EVL: variants seen among roughly 807,000 people sequenced by gnomAD.
EVL encodes the protein Enah/Vasp-like.
In EVL, 21 loss-of-function variants were observed where a neutral mutation model predicts 59.6. That is an observed-to-expected ratio of 0.35 (90% CI 0.25 to 0.51). The LOEUF (loss-of-function observed/expected upper bound fraction) is 0.51. Among genes scored for constraint, EVL ranks in the 20% least tolerant of loss-of-function variants. EVL has a pLI of 0.97. For synonymous variants in EVL, 198 were observed against 203.5 expected, an observed-to-expected ratio of 0.97 and a Z score of 0.23; for missense variants, 462 against 546.6, an observed-to-expected ratio of 0.85 and a Z score of 1.54.
rs570267654 is a variant in EVL at position 99,973,256 on chromosome 14, TGA to T, written c.5+1203_5+1204del. On this transcript the variant is annotated intron_variant, in intron 1 of 13. Coordinates refer to the EVL transcript ENST00000402714. ...GCTGACATTCTTACCAAAAAATGTGTGAGAGTTCTTGTTGCTTCACCTCCTTC... is the reference window on the plus strand; with the variant it reads ...GCTGACATTCTTACCAAAAAATGTGTGAGTTCTTGTTGCTTCACCTCCTTC... 8.7e-4 allele frequency among the ~76,000 whole-genome samples: 133 copies of T among 152,346 alleles called. 6 individuals carry two copies. In the South Asian group the frequency reaches 0.027, roughly 31 times the overall value.
chr14:100,110,378 A>G (rs2140343820), intron 3 of EVL, among the ~76,000 whole-genome samples: 1 of 149,356 alleles, frequency 6.7e-6, no homozygotes, highest in African/African-American at 2.4e-5. Flanking sequence ...TGTCTCAGGA[A>G]AAAAAAAAAA....
At chr14:100,047,505 A>G (rs531570027) in intron 1 of EVL, among the ~76,000 whole-genome samples, 3 of 151,912 alleles carry the variant, frequency 2.0e-5, no homozygotes, top group Admixed American at 2.0e-4. Context: ...CTCTCTTTCC[A>G]TTGCTCCGGG....
intron 3 of EVL, among the ~76,000 whole-genome samples, chr14:100,098,853 G>T (rs568812579): frequency 4.4e-4 from 67 of 152,228 alleles, no homozygotes; most frequent in Non-Finnish European, 8.1e-4. Flanking sequence ...TAAAATCGGG[G>T]GATATAGAGT....
intron 1 of EVL, among the ~76,000 whole-genome samples, chr14:99,975,393 T>C (rs1275974667): frequency 6.6e-6 from 1 of 152,226 alleles, no homozygotes; most frequent in Non-Finnish European, 1.5e-5. Context: ...ATGTCTTCCA[T>C]TGGTTTTGGA....
At chr14:100,038,624 A>G (rs1444570438) in intron 1 of EVL, among the ~76,000 whole-genome samples, 2 of 152,230 alleles carry the variant, frequency 1.3e-5, no homozygotes, top group African/African-American at 2.4e-5. Flanking sequence ...TTGAAAAATT[A>G]TTAACTGCTC....
intron 2 of EVL, chr14:100,085,062 C>A: frequency 1.9e-6 from 1 of 533,676 alleles, no homozygotes; most frequent in South Asian, 2.8e-5. Flanking sequence ...CACTTTTTAC[C>A]TATGTCATAT....
chr14:100,078,299 A>T (rs72711930), intron 1 of EVL, among the ~76,000 whole-genome samples: 2,711 of 152,244 alleles, frequency 0.018, 35 homozygotes, highest in Non-Finnish European at 0.027. Flanking sequence ...GACATAAAAG[A>T]TAAGTAGAAA....
rs560384507 is a variant in EVL at position 100,141,603 on chromosome 14, G to A, written c.1162-133G>A. 2.0e-3 allele frequency: 1,598 copies of A among 784,132 alleles called. 7 individuals carry two copies. Among genetic ancestry groups the A allele is most frequent in the Non-Finnish European group, 2.3e-3 (1,147 of 504,610 alleles). The allele number at this position is 784,132 out of a possible 1,614,324, so 48.6% of individuals were successfully genotyped here. ...CCCCTCAGCGTGGGAAGGGGGCCACGAGGAGACAAGGGTGACAGATGCAAC... is the reference window on the plus strand; with the variant it reads ...CCCCTCAGCGTGGGAAGGGGGCCACAAGGAGACAAGGGTGACAGATGCAAC... On this transcript the variant is annotated intron_variant, in intron 12 of 13. Transcript: ENST00000392920.
At chr14:100,028,185 G>A (rs2061251671) in intron 1 of EVL, among the ~76,000 whole-genome samples, 1 of 141,764 alleles carries the variant, frequency 7.1e-6, no homozygotes, top group Non-Finnish European at 1.5e-5. Context: ...AGTGTCCACA[G>A]TGGCTGTACT....
chr14:100,103,723 C>T (rs1427305400), intron 3 of EVL, among the ~76,000 whole-genome samples: 11 of 152,138 alleles, frequency 7.2e-5, no homozygotes, highest in Admixed American at 6.5e-4. Context: ...TTTGGTCTCC[C>T]ACAAGGCTGT....
intron 2 of EVL, among the ~76,000 whole-genome samples, chr14:100,095,658 A>G (rs538667009): frequency 6.6e-6 from 1 of 152,212 alleles, no homozygotes; most frequent in Non-Finnish European, 1.5e-5. Context: ...ACTTGTGTGT[A>G]GTTGTTGGCC....
At chr14:99,975,915 C>G (rs948211850) in intron 1 of EVL, among the ~76,000 whole-genome samples, 1 of 152,136 alleles carries the variant, frequency 6.6e-6, no homozygotes, top group Non-Finnish European at 1.5e-5. Flanking sequence ...CTGGTTATCT[C>G]CTTCTCACTG....
At chr14:100,012,359 G>T (rs764888573) in intron 1 of EVL, among the ~76,000 whole-genome samples, 8 of 152,144 alleles carry the variant, frequency 5.3e-5, no homozygotes, top group Non-Finnish European at 1.2e-4. Context: ...TGGTCACATG[G>T]CAGGTGCTCA....
chr14:100,039,570 A>G (rs891665400), intron 1 of EVL, among the ~76,000 whole-genome samples: 2 of 152,220 alleles, frequency 1.3e-5, no homozygotes, highest in Non-Finnish European at 1.5e-5. Flanking sequence ...TTTAAGTCAC[A>G]TGAATAATTT....
At chr14:100,080,224 C>T (rs890308475) in intron 1 of EVL, among the ~76,000 whole-genome samples, 6 of 152,232 alleles carry the variant, frequency 3.9e-5, no homozygotes, top group African/African-American at 1.4e-4. Context: ...AGCTGATGAG[C>T]TTTTAAAAAA....
chr14:100,137,936 C>G, intron 11 of EVL, 134 bp downstream of exon 11: 1 of 870,434 alleles, frequency 1.1e-6, no homozygotes, highest in Non-Finnish European at 1.8e-6. Context: ...GTGGTCTGTT[C>G]TTTCAGACCC....
upstream of EVL, among the ~76,000 whole-genome samples, chr14:100,060,815 A>G (rs1004026268): frequency 1.3e-5 from 2 of 152,140 alleles, no homozygotes; most frequent in African/African-American, 4.8e-5. Context: ...TAAACCCATC[A>G]AAGTCACACT....
At chr14:100,053,029 C>T (rs1257725258) in intron 1 of EVL, 4 of 152,160 alleles carry the variant, frequency 2.6e-5, no homozygotes, top group African/African-American at 9.7e-5. Flanking sequence ...ATGCACATGT[C>T]TGGCATCTCT....
chr14:100,021,754 C>T (rs967398715), intron 1 of EVL, among the ~76,000 whole-genome samples: 1 of 152,140 alleles, frequency 6.6e-6, no homozygotes. Flanking sequence ...CCAGACTTAA[C>T]AACCATTGGC....
Sources: allele counts gnomAD v4.1 joint callset (sites outside exome capture counted in the v4.1 genomes callset), GRCh38; gene constraint gnomAD v4.1.1; transcripts MANE v1.5; gene names NCBI Gene and HGNC (gene_info 2026-07-23, HGNC 2026-07-21).